Variants in SCAI observed in about 807,000 individuals in gnomAD.
SCAI encodes protein SCAI.
SCAI carries 24 observed loss-of-function variants against 92.2 expected under a neutral mutation model. That is an observed-to-expected ratio of 0.26 (90% CI 0.19 to 0.37). The LOEUF (loss-of-function observed/expected upper bound fraction) is 0.37. SCAI is among the 10% of genes least tolerant of loss of function. The pLI, the probability that SCAI is intolerant of heterozygous loss-of-function variation, is 1.00. For missense variants in SCAI, 450 were observed against 736.2 expected, an observed-to-expected ratio of 0.61 and a Z score of 4.50; for synonymous variants, 261 against 258.6, an observed-to-expected ratio of 1.01 and a Z score of -0.09.
chr9:125,061,078 A>G (rs1833759621), intron 2 of SCAI, among the ~76,000 whole-genome samples: 1 of 151,660 alleles, frequency 6.6e-6, no homozygotes, highest in African/African-American at 2.4e-5. Context: ...CAGGCAGATC[A>G]TGAGGTCAGG....
chr9:124,973,444 T>A lies in SCAI; in HGVS notation c.1400-1600A>T, dbSNP rs550892437. Among the ~76,000 whole-genome samples, 59 of 152,338 alleles carry A rather than the reference T, an allele frequency of 3.9e-4. No individual in the cohort carries two copies. In the South Asian group the frequency reaches 3.9e-3, roughly 10 times the overall value. ...CAGGTGTGGTGGCTCACGCCTGTAA[T>A]CCCAGCACTTTGGGAGGCCAAGGTG... is the stretch of plus-strand genomic sequence containing the variant. On this transcript the variant is annotated intron_variant, in intron 15 of 17. Coordinates refer to ENST00000336505, the MANE Select transcript of SCAI (RefSeq NM_001144877.3).
chr9:124,980,589 A>G (rs1184016908), intron 14 of SCAI, among the ~76,000 whole-genome samples: 1 of 152,186 alleles, frequency 6.6e-6, no homozygotes, highest in African/African-American at 2.4e-5. Flanking sequence ...CCAGTTCCCA[A>G]TAAAAACCCT....
chr9:125,069,673 G>A (rs943089875), intron 2 of SCAI, among the ~76,000 whole-genome samples: 2 of 145,340 alleles, frequency 1.4e-5, no homozygotes, highest in African/African-American at 5.2e-5. Flanking sequence ...ACCAAGGCTG[G>A]AGTGCAGTTG....
At chr9:125,047,408 T>G (rs1379941295) in intron 3 of SCAI, among the ~76,000 whole-genome samples, 1 of 152,194 alleles carries the variant, frequency 6.6e-6, no homozygotes, top group Non-Finnish European at 1.5e-5. Flanking sequence ...GCATTTCTGT[T>G]GTTTAAGCTA....
At chr9:125,007,509 C>T (rs536624709) in intron 9 of SCAI, among the ~76,000 whole-genome samples, 57 of 152,228 alleles carry the variant, frequency 3.7e-4, no homozygotes, top group African/African-American at 1.2e-3. Context: ...GGCAATACAG[C>T]AACACCCCAT....
intron 2 of SCAI, among the ~76,000 whole-genome samples, chr9:125,135,967 CAAACAAAAAAAAAAA>C (rs1274977723): frequency 2.5e-5 from 2 of 79,486 alleles, no homozygotes; most frequent in Non-Finnish European, 4.8e-5. Flanking sequence ...AACTCCATCT[CAAACAAAAAAAAAAA>C]AAACAAAAAA....
chr9:124,980,049 CAAAA>C (rs34760799), intron 14 of SCAI, among the ~76,000 whole-genome samples: 2 of 80,992 alleles, frequency 2.5e-5, no homozygotes, highest in African/African-American at 9.9e-5. Flanking sequence ...GACTCCGTCT[CAAAA>C]AAAAAAAAAA....
intron 2 of SCAI, among the ~76,000 whole-genome samples, chr9:125,120,419 G>A (rs953424187): frequency 1.3e-5 from 2 of 152,198 alleles, no homozygotes; most frequent in African/African-American, 2.4e-5. Flanking sequence ...AGAGCCAGGC[G>A]CAGTGGCTCA....
intron 9 of SCAI, 105 bp from the exon 10 acceptor site, chr9:125,003,675 C>T (rs776027053): frequency 5.0e-5 from 34 of 681,614 alleles, no homozygotes; most frequent in Non-Finnish European, 8.4e-5. Flanking sequence ...TACTTCAGGG[C>T]TTTGGGTACC....
chr9:124,953,483 G>T (rs1474598292), intron 17 of SCAI, among the ~76,000 whole-genome samples: 2 of 151,890 alleles, frequency 1.3e-5, no homozygotes, highest in Non-Finnish European at 2.9e-5. Context: ...AAAATTAGCC[G>T]GGCATGGTGG....
chr9:124,987,547 T>C (rs1832022572), intron 14 of SCAI, among the ~76,000 whole-genome samples: 1 of 152,172 alleles, frequency 6.6e-6, no homozygotes, highest in Non-Finnish European at 1.5e-5. Context: ...GCATGGGCAC[T>C]GCAATGAGAA....
At chr9:125,008,577 G>A (rs1205323987) in intron 9 of SCAI, among the ~76,000 whole-genome samples, 6 of 152,100 alleles carry the variant, frequency 3.9e-5, no homozygotes, top group Admixed American at 3.9e-4. Context: ...TTAATAAAAG[G>A]TTAAATAGCA....
intron 17 of SCAI, chr9:124,968,193 GAAAAACA>G (rs995711930): frequency 1.0e-5 from 7 of 698,992 alleles, no homozygotes; most frequent in East Asian, 6.1e-5. Flanking sequence ...AAGCAGGAAT[GAAAAACA>G]AAAAACGAAA....
intron 2 of SCAI, among the ~76,000 whole-genome samples, chr9:125,123,346 G>C (rs1835197763): frequency 6.6e-6 from 1 of 151,288 alleles, no homozygotes; most frequent in South Asian, 2.1e-4. Flanking sequence ...CTGGCCAAGA[G>C]AGTGAGACTC....
intron 2 of SCAI, among the ~76,000 whole-genome samples, chr9:125,068,560 T>G (rs1833916030): frequency 6.6e-6 from 1 of 151,896 alleles, no homozygotes; most frequent in African/African-American, 2.4e-5. Flanking sequence ...TGGTGGCTTA[T>G]GCCTCTAATC....
At chr9:125,083,849 T>C (rs1177587991) in intron 2 of SCAI, among the ~76,000 whole-genome samples, 6 of 151,980 alleles carry the variant, frequency 3.9e-5, no homozygotes, top group Non-Finnish European at 8.8e-5. Context: ...AGGATAAATA[T>C]AATATTCCAA....
At chr9:125,043,764 T>C (rs367834573) in intron 3 of SCAI, among the ~76,000 whole-genome samples, 1 of 152,142 alleles carries the variant, frequency 6.6e-6, no homozygotes, top group Admixed American at 6.5e-5. Flanking sequence ...GGGATTATGA[T>C]GGTGGTGGCA....
rs575656105 is a variant in SCAI at position 124,969,835 on chromosome 9, T to C, written c.1674+1535A>G. On this transcript the variant is annotated intron_variant, in intron 17 of 17. Transcript: ENST00000336505. ...TTACATATGTGTACCAGGAAACTGA[T>C]ACAAGAATTTCACAGTAACATCATT... Among the ~76,000 whole-genome samples the C allele has an allele frequency of 3.9e-5, 6 of 152,304 alleles. No individual in the cohort carries two copies. In the East Asian group the frequency reaches 7.7e-4, roughly 20 times the overall value.
chr9:125,064,620 C>T (rs562467691), intron 2 of SCAI, among the ~76,000 whole-genome samples: 1 of 151,968 alleles, frequency 6.6e-6, no homozygotes, highest in Non-Finnish European at 1.5e-5. Flanking sequence ...CTGAGGTGGG[C>T]AGATCACCTG....
Sources: allele counts gnomAD v4.1 joint callset (sites outside exome capture counted in the v4.1 genomes callset), GRCh38; gene constraint gnomAD v4.1.1; transcripts MANE v1.5; gene names NCBI Gene and HGNC (gene_info 2026-07-23, HGNC 2026-07-21).